Variants in SLC35F1 observed in about 807,000 individuals in gnomAD.
The protein encoded by SLC35F1 is solute carrier family 35 member F1, also known as chromosome 6 open reading frame 169.
Under a neutral mutation model 48.7 loss-of-function variants are expected in SLC35F1, and 14 were observed. That is an observed-to-expected ratio of 0.29 (90% CI 0.19 to 0.45). The LOEUF (loss-of-function observed/expected upper bound fraction) is 0.45. SLC35F1 is among the 20% of genes least tolerant of loss of function. SLC35F1 has a pLI of 1.00. For missense variants in SLC35F1, 404 were observed against 500.0 expected, an observed-to-expected ratio of 0.81 and a Z score of 1.83; for synonymous variants, 190 against 202.2, an observed-to-expected ratio of 0.94 and a Z score of 0.51.
In SLC35F1 at chr6:118,052,379, A is replaced by G. The variant is rs551726021; in HGVS notation, c.174-102066A>G. Among the ~76,000 whole-genome samples the G allele has an allele frequency of 3.3e-5, 5 of 152,330 alleles. No individual in the cohort carries two copies. The East Asian group carries it at 9.7e-4, about 29-fold the overall frequency. On this transcript the variant is annotated intron_variant, in intron 1 of 7. Coordinates refer to ENST00000360388, the MANE Select transcript of SLC35F1 (RefSeq NM_001029858.4). ...AAGCAATCTTTGACTCTGAGTTTGT[A>G]CTATCCTTGACACTTTGCCTCATTT...
At chr6:117,971,251 T>C (rs1776634076) in intron 1 of SLC35F1, among the ~76,000 whole-genome samples, 1 of 152,136 alleles carries the variant, frequency 6.6e-6, no homozygotes, top group South Asian at 2.1e-4. Flanking sequence ...CAAAATAATC[T>C]CATTTGACTC....
chr6:117,958,728 G>A (rs1776458166), intron 1 of SLC35F1, among the ~76,000 whole-genome samples: 1 of 152,142 alleles, frequency 6.6e-6, no homozygotes, highest in South Asian at 2.1e-4. Context: ...TATGATGTTT[G>A]CACAAAGAGG....
At chr6:118,225,320 A>G (rs1582739001) in intron 2 of SLC35F1, among the ~76,000 whole-genome samples, 2 of 152,156 alleles carry the variant, frequency 1.3e-5, no homozygotes, top group South Asian at 2.1e-4. Flanking sequence ...AGAATAAAGA[A>G]CTCAGATATA....
intron 2 of SLC35F1, among the ~76,000 whole-genome samples, chr6:118,175,788 A>T (rs901783615): frequency 6.6e-6 from 1 of 152,134 alleles, no homozygotes; most frequent in Admixed American, 6.6e-5. Flanking sequence ...TGAAGGTCAG[A>T]AGAGGAGGCT....
At chr6:118,138,971 A>AACACACAC (rs58109876) in intron 1 of SLC35F1, among the ~76,000 whole-genome samples, 163 of 150,078 alleles carry the variant, frequency 1.1e-3, no homozygotes, top group African/African-American at 3.8e-3. Flanking sequence ...TTTCAGCAGA[A>AACACACAC]ACACACACAC....
At chr6:118,296,092 A>G (rs918281742) in intron 7 of SLC35F1, among the ~76,000 whole-genome samples, 1 of 152,180 alleles carries the variant, frequency 6.6e-6, no homozygotes, top group African/African-American at 2.4e-5. Context: ...CTAGTGCAGG[A>G]GTCAGAAAAC....
chr6:118,132,563 T>C (rs1375437282), intron 1 of SLC35F1, among the ~76,000 whole-genome samples: 1 of 152,206 alleles, frequency 6.6e-6, no homozygotes, highest in African/African-American at 2.4e-5. Flanking sequence ...GGAAAGCCTT[T>C]AGAGTGCATG....
chr6:118,281,677 T>C (rs1775986563), intron 6 of SLC35F1, among the ~76,000 whole-genome samples: 1 of 152,210 alleles, frequency 6.6e-6, no homozygotes, highest in Non-Finnish European at 1.5e-5. Flanking sequence ...CCTCTTGTAT[T>C]TCCCTAGCTC....
intron 1 of SLC35F1, among the ~76,000 whole-genome samples, chr6:118,024,983 C>T (rs1409439401): frequency 6.6e-6 from 1 of 152,216 alleles, no homozygotes; most frequent in African/African-American, 2.4e-5. Context: ...AGAAAAATTA[C>T]AAAGATAGTA....
intron 1 of SLC35F1, among the ~76,000 whole-genome samples, chr6:118,040,861 C>A (rs1255304260): frequency 6.6e-6 from 1 of 151,484 alleles, no homozygotes; most frequent in Non-Finnish European, 1.5e-5. Context: ...CCCTAACCCC[C>A]AAACCTAAAC....
intron 7 of SLC35F1, among the ~76,000 whole-genome samples, chr6:118,294,927 A>G (rs188566685): frequency 6.6e-6 from 1 of 152,284 alleles, no homozygotes; most frequent in Admixed American, 6.5e-5. Flanking sequence ...GCATGTTTTC[A>G]TTAGAAAACA....
At chr6:117,983,007 A>G (rs1776801949) in intron 1 of SLC35F1, among the ~76,000 whole-genome samples, 1 of 152,194 alleles carries the variant, frequency 6.6e-6, no homozygotes, top group African/African-American at 2.4e-5. Flanking sequence ...ATCATTCCCT[A>G]ATACCTTAAT....
chr6:118,200,952 G>A (rs746353676), intron 2 of SLC35F1, among the ~76,000 whole-genome samples: 9 of 151,908 alleles, frequency 5.9e-5, no homozygotes, highest in Non-Finnish European at 1.3e-4. Context: ...ATGACGTGAC[G>A]ATTGCTCACC....
chr6:117,950,020 CTG>C (rs1562246175), intron 1 of SLC35F1, among the ~76,000 whole-genome samples: 1 of 152,140 alleles, frequency 6.6e-6, no homozygotes, highest in Non-Finnish European at 1.5e-5. Context: ...GCTTTTTACT[CTG>C]TGTTGCAGTC....
Position 118,144,585 on chromosome 6 carries a change from C to CT in SLC35F1, c.174-9858dup, listed in dbSNP as rs1487050781. Among the ~76,000 whole-genome samples, 9 of 110,462 alleles carry CT rather than the reference C, an allele frequency of 8.1e-5. 1 individual carries two copies. The highest frequency in any genetic ancestry group is 3.1e-4 in the African/African-American group (9 of 28,636). 72.5% of individuals were successfully genotyped at this position (110,462 alleles called of 152,430 possible). On this transcript the variant is annotated intron_variant, in intron 1 of 7. Transcript: ENST00000360388. ...CACATCCTACTCATGTATCCCAGAA[C>CT]TTAAAAAAAAAAAAAATTGAAAATG...
intron 2 of SLC35F1, among the ~76,000 whole-genome samples, chr6:118,226,485 TAC>T (rs1233953929): frequency 6.6e-6 from 1 of 150,738 alleles, no homozygotes; most frequent in Non-Finnish European, 1.5e-5. Context: ...GATGAATGGA[TAC>T]ACACACACAC....
At position 117,998,841 on chromosome 6, in the gene SLC35F1, C is replaced by T. The variant is rs542984676; in HGVS notation, c.173+90942C>T. On this transcript the variant is annotated intron_variant, in intron 1 of 7. Transcript: ENST00000360388. ...GAAAGCAGGAAAGATCCAAAATTGA[C>T]ACCCTAACATCACAATTAAAAGAAC... is the stretch of plus-strand genomic sequence containing the variant. The T allele has an allele frequency of 7.3e-6, 4 of 544,618 alleles. No individual in the cohort carries two copies. The South Asian group carries it at 8.1e-5, about 11-fold the overall frequency. 33.7% of individuals were successfully genotyped at this position (544,618 alleles called of 1,614,324 possible). A position where few individuals can be genotyped will look rare whatever the true frequency, so the allele number is the denominator to read the frequency against.
chr6:117,951,719 G>C (rs1776364968), intron 1 of SLC35F1, among the ~76,000 whole-genome samples: 1 of 152,188 alleles, frequency 6.6e-6, no homozygotes. Context: ...AGAGACTGGG[G>C]AAAGAGCCCT....
chr6:118,137,082 T>G (rs1417978306), intron 1 of SLC35F1, among the ~76,000 whole-genome samples: 1 of 152,238 alleles, frequency 6.6e-6, no homozygotes, highest in African/African-American at 2.4e-5. Flanking sequence ...TTCTAGATAT[T>G]ATTACACATG....
Sources: allele counts gnomAD v4.1 joint callset (sites outside exome capture counted in the v4.1 genomes callset), GRCh38; gene constraint gnomAD v4.1.1; transcripts MANE v1.5; gene names NCBI Gene and HGNC (gene_info 2026-07-23, HGNC 2026-07-21).